Variants in PUDP observed in about 807,000 individuals in gnomAD.
PUDP encodes pseudouridine 5'-phosphatase.
In PUDP, 8 loss-of-function variants were observed where a neutral mutation model predicts 9.4. That is an observed-to-expected ratio of 0.85 (90% CI 0.50 to 1.53). The LOEUF (loss-of-function observed/expected upper bound fraction) is 1.53. Among genes scored for constraint, PUDP ranks in the 40% most tolerant of loss-of-function variants. PUDP has a pLI of 0.00. For synonymous variants in PUDP, 99 were observed against 80.7 expected (o/e 1.23, Z -1.22); for missense variants, 188 against 189.7 (o/e 0.99, Z 0.05).
intron 1 of PUDP, among the ~76,000 whole-genome samples, chrX:7,017,243 T>A (rs919971710): frequency 1.8e-5 from 2 of 111,947 alleles, no homozygotes; most frequent in African/African-American, 3.3e-5. Context: ...ACCACATTCT[T>A]TAGGTCCCCT....
chrX:6,758,818 C>T (rs1467096083), intron 3 of PUDP, among the ~76,000 whole-genome samples: 3 of 111,247 alleles, frequency 2.7e-5, no homozygotes, highest in Non-Finnish European at 3.8e-5. Flanking sequence ...CATCAACGTG[C>T]GGAAGGCAAG....
chrX:6,798,992 C>T (rs1352910554), intron 3 of PUDP, among the ~76,000 whole-genome samples: 3 of 111,793 alleles, frequency 2.7e-5, no homozygotes, highest in Non-Finnish European at 5.6e-5. Flanking sequence ...TGCTATGCTC[C>T]CAGGCTGGCC....
intron 1 of PUDP, among the ~76,000 whole-genome samples, chrX:6,990,702 T>A (rs900857144): frequency 1.8e-5 from 2 of 111,604 alleles, no homozygotes; most frequent in Non-Finnish European, 3.8e-5. Context: ...GGAGAATGCA[T>A]CTCGCTGGAA....
chrX:6,972,214 G>T (rs1201187989), intron 3 of PUDP, among the ~76,000 whole-genome samples: 1 of 111,708 alleles, frequency 9.0e-6, no homozygotes, highest in Non-Finnish European at 1.9e-5. Context: ...TCTCTTGCCT[G>T]ATTGCCCTGG....
chrX:6,918,465 A>G (rs922468704), intron 3 of PUDP, among the ~76,000 whole-genome samples: 9 of 112,185 alleles, frequency 8.0e-5, no homozygotes, highest in Non-Finnish European at 1.7e-4. Context: ...ATACAAAAAA[A>G]AAAACATAAT....
At chrX:6,752,849 CATTTT>C (rs1925119488) in intron 3 of PUDP, among the ~76,000 whole-genome samples, 2 of 111,478 alleles carry the variant, frequency 1.8e-5, no homozygotes, top group Admixed American at 1.9e-4. Context: ...AGGAGCCACG[CATTTT>C]ATTTTCTCAG....
chrX:7,068,517 C>T (rs1346615829), intron 3 of PUDP, among the ~76,000 whole-genome samples: 1 of 111,850 alleles, frequency 8.9e-6, no homozygotes, highest in Non-Finnish European at 1.9e-5. Flanking sequence ...ATAGCAGCTG[C>T]TACCTACAGC....
At chrX:6,793,143 C>T (rs1327881581) in intron 3 of PUDP, among the ~76,000 whole-genome samples, 2 of 112,692 alleles carry the variant, frequency 1.8e-5, no homozygotes, top group Admixed American at 1.9e-4. Context: ...CTAAATGGTG[C>T]CCTGTAGCTG....
chrX:7,086,932 G>C (rs1474498369), intron 2 of PUDP, among the ~76,000 whole-genome samples: 1 of 111,919 alleles, frequency 8.9e-6, no homozygotes, highest in African/African-American at 3.2e-5. Context: ...GAGGAGCAAG[G>C]CTCTGGCAAG....
chrX:7,033,580 T>C (rs1929817357), intron 1 of PUDP, among the ~76,000 whole-genome samples: 3 of 111,999 alleles, frequency 2.7e-5, no homozygotes, highest in Admixed American at 9.5e-5. Context: ...ATGTCCTATG[T>C]GGCAGTGGCT....
chrX:6,811,651 A>G (rs1285647976), intron 3 of PUDP, among the ~76,000 whole-genome samples: 1 of 95,920 alleles, frequency 1.0e-5, no homozygotes, highest in African/African-American at 3.9e-5. Context: ...TTTTTTTCTT[A>G]TTTTTTAAAA....
intron 3 of PUDP, among the ~76,000 whole-genome samples, chrX:7,064,540 G>A (rs1410155992): frequency 9.0e-6 from 1 of 111,285 alleles, no homozygotes; most frequent in Non-Finnish European, 1.9e-5. Context: ...TAAATCAGGT[G>A]GGAGATGTGC....
chrX:6,846,186 C>T (rs900170021), intron 3 of PUDP, among the ~76,000 whole-genome samples: 2 of 110,366 alleles, frequency 1.8e-5, no homozygotes, highest in East Asian at 2.8e-4. Context: ...GGGCGGATCA[C>T]GAGGTCAGGA....
chrX:7,087,639 G>A (rs763848325), intron 2 of PUDP, among the ~76,000 whole-genome samples: 12 of 112,520 alleles, frequency 1.1e-4, no homozygotes, highest in African/African-American at 3.2e-4. Context: ...ACTTGATGGG[G>A]AGACAGTGTG....
chrX:6,752,409 G>C (rs1925106586), intron 3 of PUDP, among the ~76,000 whole-genome samples: 2 of 111,554 alleles, frequency 1.8e-5, no homozygotes, highest in South Asian at 7.6e-4. Flanking sequence ...TGAAGGTAGG[G>C]GCCATGAAAA....
chrX:7,025,005 C>T (rs909673672), intron 1 of PUDP, among the ~76,000 whole-genome samples: 1 of 110,918 alleles, frequency 9.0e-6, no homozygotes, highest in African/African-American at 3.3e-5. Context: ...CAGAGTAGCA[C>T]CTGAATCTTA....
At chrX:6,997,099 G>A (rs1049719215) in intron 1 of PUDP, among the ~76,000 whole-genome samples, 6 of 112,272 alleles carry the variant, frequency 5.3e-5, no homozygotes, top group Non-Finnish European at 1.1e-4. Flanking sequence ...AATGGGATAA[G>A]TTTAACAACT....
chrX:6,974,054 TG>T (rs1928917600), intron 3 of PUDP, among the ~76,000 whole-genome samples: 1 of 111,959 alleles, frequency 8.9e-6, no homozygotes, highest in Non-Finnish European at 1.9e-5. Flanking sequence ...TCCATTTGCT[TG>T]GTAAATATTC....
chrX:6,725,656 G>C (rs1270921656), upstream of PUDP, among the ~76,000 whole-genome samples: 1 of 112,056 alleles, frequency 8.9e-6, no homozygotes, highest in Non-Finnish European at 1.9e-5. Flanking sequence ...ACAAGCACAT[G>C]AAAAAATGCT....
Sources: allele counts gnomAD v4.1 joint callset (sites outside exome capture counted in the v4.1 genomes callset), GRCh38; gene constraint gnomAD v4.1.1; transcripts MANE v1.5; gene names NCBI Gene and HGNC (gene_info 2026-07-23, HGNC 2026-07-21).